Variants in ROBO2 observed in about 807,000 individuals in gnomAD.
The protein encoded by ROBO2 is roundabout guidance receptor 2, also known as roundabout homolog 2.
Under a neutral mutation model 160.8 loss-of-function variants are expected in ROBO2, and 53 were observed. The ratio of observed to expected loss-of-function variants is 0.33; its 90% CI spans 0.26 to 0.41. The LOEUF is 0.41. Among genes scored for constraint, ROBO2 ranks in the 10% least tolerant of loss-of-function variants. ROBO2 has a pLI of 1.00. For missense variants in ROBO2, 1,577 were observed against 1,722.4 expected (o/e 0.92, Z 1.49); for synonymous variants, 664 against 611.7 (o/e 1.09, Z -1.26).
At chr3:76,184,866 C>G (rs1701669680) in intron 2 of ROBO2, among the ~76,000 whole-genome samples, 1 of 151,906 alleles carries the variant, frequency 6.6e-6, no homozygotes, top group South Asian at 2.1e-4. Flanking sequence ...TAACTCAGCT[C>G]CAGAAGACAG....
At chr3:77,531,095 T>C (rs2091689425) in intron 6 of ROBO2, among the ~76,000 whole-genome samples, 1 of 152,032 alleles carries the variant, frequency 6.6e-6, no homozygotes, top group Non-Finnish European at 1.5e-5. Context: ...CCTGTTCCGT[T>C]TGGTGACTTG....
intron 1 of ROBO2, among the ~76,000 whole-genome samples, chr3:77,074,326 A>G (rs964660070): frequency 2.8e-4 from 42 of 152,202 alleles, no homozygotes; most frequent in African/African-American, 9.7e-4. Flanking sequence ...TGTTTAAAAT[A>G]TGTCCCCTTC....
chr3:76,775,526 A>C (rs143132597), intron 2 of ROBO2, among the ~76,000 whole-genome samples: 89 of 150,972 alleles, frequency 5.9e-4, no homozygotes, highest in African/African-American at 2.1e-3. Context: ...TTTCCTGCTA[A>C]ATCATGGAAA....
chr3:76,669,901 TTTAA>T, intron 2 of ROBO2, among the ~76,000 whole-genome samples: 1 of 152,208 alleles, frequency 6.6e-6, no homozygotes, highest in East Asian at 1.9e-4. Context: ...AAGCAGAGCC[TTTAA>T]TTAAGGGAGA....
At chr3:76,503,826 G>A (rs1416588828) in intron 2 of ROBO2, among the ~76,000 whole-genome samples, 1 of 152,152 alleles carries the variant, frequency 6.6e-6, no homozygotes, top group African/African-American at 2.4e-5. Context: ...GTTGGTTAAA[G>A]TACGCAAAAT....
intron 1 of ROBO2, among the ~76,000 whole-genome samples, chr3:77,050,577 TTTTG>T (rs2065121211): frequency 6.6e-6 from 1 of 151,976 alleles, no homozygotes; most frequent in African/African-American, 2.4e-5. Context: ...TGTTTTTTTT[TTTTG>T]TTGTTTTTTG....
intron 2 of ROBO2, among the ~76,000 whole-genome samples, chr3:76,247,138 A>G (rs1325372973): frequency 1.3e-5 from 2 of 152,182 alleles, no homozygotes; most frequent in Middle Eastern, 3.2e-3. Flanking sequence ...TTGTTCTTCA[A>G]GACATTTGGA....
chr3:76,993,847 A>T (rs1374391224), intron 2 of ROBO2, among the ~76,000 whole-genome samples: 1 of 151,932 alleles, frequency 6.6e-6, no homozygotes, highest in Non-Finnish European at 1.5e-5. Flanking sequence ...ATCTATACCC[A>T]TGTAGTACTA....
At chr3:77,213,285 C>T (rs1463173404) in intron 2 of ROBO2, among the ~76,000 whole-genome samples, 3 of 152,090 alleles carry the variant, frequency 2.0e-5, no homozygotes, top group Admixed American at 6.6e-5. Flanking sequence ...AGAGATTCAA[C>T]TTCTTCCTGG....
At chr3:76,930,748 T>G (rs1182255858) in intron 2 of ROBO2, among the ~76,000 whole-genome samples, 1 of 152,232 alleles carries the variant, frequency 6.6e-6, no homozygotes, top group African/African-American at 2.4e-5. Flanking sequence ...AGAAAATGGC[T>G]AGCCTGCTGA....
intron 2 of ROBO2, among the ~76,000 whole-genome samples, chr3:76,267,538 T>C (rs1404500527): frequency 6.6e-6 from 1 of 152,192 alleles, no homozygotes; most frequent in East Asian, 1.9e-4. Context: ...AATTATGCTA[T>C]CAAACACTGA....
chr3:77,186,977 A>G (rs1220714116), intron 2 of ROBO2, among the ~76,000 whole-genome samples: 1 of 152,012 alleles, frequency 6.6e-6, no homozygotes, highest in Non-Finnish European at 1.5e-5. Context: ...GCAGGAAGTG[A>G]AAGCTATAAG....
At chr3:77,525,785 C>CTT (rs764350929) in intron 6 of ROBO2, among the ~76,000 whole-genome samples, 2 of 141,674 alleles carry the variant, frequency 1.4e-5, no homozygotes, top group African/African-American at 5.1e-5. Flanking sequence ...ACCACAGTTT[C>CTT]TTTTTTTTTT....
At position 76,856,085 on chromosome 3, in the gene ROBO2, T is replaced by C. The variant is rs367897331; in HGVS notation, c.110-241929T>C. Among the ~76,000 whole-genome samples the C allele has an allele frequency of 9.0e-4, 137 of 152,276 alleles. 4 individuals carry two copies. In the South Asian group the frequency reaches 0.02, roughly 22 times the overall value. Reference sequence around the variant, plus strand: ...TTGGCACAGAAGCCCCATGAGCAGATAACATAAGCTTGATGGGATATATTT... The same window carrying C: ...TTGGCACAGAAGCCCCATGAGCAGACAACATAAGCTTGATGGGATATATTT... On this transcript the variant is annotated intron_variant, in intron 2 of 26. Transcript: ENST00000487694.
chr3:76,811,775 C>CTTCCTTCCT (rs1173423323), intron 2 of ROBO2, among the ~76,000 whole-genome samples: 2 of 96,946 alleles, frequency 2.1e-5, no homozygotes, highest in African/African-American at 8.3e-5. Context: ...CTCTCTTTCC[C>CTTCCTTCCT]TCCTTCCTTC....
At position 76,649,740 on chromosome 3, in the gene ROBO2, AT is replaced by A. The variant is rs200988434; in HGVS notation, c.110-448271del. ...TATGCTTGAAAACTATTTTTGAAAC[AT>A]TTACATTAAAAGAACAGTTGGATAT... On this transcript the variant is annotated intron_variant, in intron 2 of 26. Transcript: ENST00000487694. Among the ~76,000 whole-genome samples, 1,511 of 152,272 alleles carry A rather than the reference AT, an allele frequency of 9.9e-3. 10 individuals carry two copies. The highest frequency in any genetic ancestry group is 0.031 in the Middle Eastern group (9 of 294).
At chr3:76,782,743 C>G (rs979175798) in intron 2 of ROBO2, among the ~76,000 whole-genome samples, 1 of 150,570 alleles carries the variant, frequency 6.6e-6, no homozygotes, top group East Asian at 2.0e-4. Context: ...CTTTTTTCAT[C>G]CACTTACTTT....
intron 2 of ROBO2, among the ~76,000 whole-genome samples, chr3:76,348,034 T>C (rs1215482170): frequency 6.6e-6 from 1 of 152,126 alleles, no homozygotes; most frequent in African/African-American, 2.4e-5. Context: ...AACACTTGCA[T>C]CGTCTGCCCA....
intron 2 of ROBO2, among the ~76,000 whole-genome samples, chr3:76,114,431 A>C (rs2070373340): frequency 6.6e-6 from 1 of 152,140 alleles, no homozygotes; most frequent in Non-Finnish European, 1.5e-5. Flanking sequence ...TAAATAAAAA[A>C]ATTATTCATA....
Sources: allele counts gnomAD v4.1 joint callset (sites outside exome capture counted in the v4.1 genomes callset), GRCh38; gene constraint gnomAD v4.1.1; transcripts MANE v1.5; gene names NCBI Gene and HGNC (gene_info 2026-07-23, HGNC 2026-07-21).